WWC2: variants seen among roughly 807,000 people sequenced by gnomAD.
WWC2 encodes the protein protein WWC2.
Under a neutral mutation model 138.5 loss-of-function variants are expected in WWC2, and 101 were observed. That is an observed-to-expected ratio of 0.73 (90% CI 0.62 to 0.86). The LOEUF is 0.86. WWC2 is among the 40% of genes least tolerant of loss of function. The pLI is 0.00. For missense variants in WWC2, 1,420 were observed against 1,419.4 expected (o/e 1.00, Z -0.01); for synonymous variants, 558 against 538.4 (o/e 1.04, Z -0.50).
intron 1 of WWC2, among the ~76,000 whole-genome samples, chr4:183,193,132 A>AT (rs1735037859): frequency 6.6e-6 from 1 of 152,240 alleles, no homozygotes; most frequent in Non-Finnish European, 1.5e-5. Context: ...AGGAGAACTT[A>AT]TAGTAGCCTT....
intron 1 of WWC2, among the ~76,000 whole-genome samples, chr4:183,113,304 G>A (rs150784406): frequency 6.6e-6 from 1 of 151,852 alleles, no homozygotes; most frequent in East Asian, 2.0e-4. Context: ...TATGAAATGA[G>A]GCAGAGAAGT....
At chr4:183,113,480 CTGTGTGTGTGTGTGTGTG>C (rs113602820) in intron 1 of WWC2, among the ~76,000 whole-genome samples, 25 of 143,708 alleles carry the variant, frequency 1.7e-4, no homozygotes, top group Admixed American at 2.8e-4. Context: ...AAGGTGGGGC[CTGTGTGTGTGTGTGTGTG>C]TGTGTGTGTG....
chr4:183,208,303 C>A (rs2111240163), intron 3 of WWC2, 147 bp downstream of exon 3: 3 of 851,560 alleles, frequency 3.5e-6, no homozygotes, highest in Non-Finnish European at 5.3e-6. Context: ...GAGGTGAGGG[C>A]ACACCCCAGA....
intron 14 of WWC2, among the ~76,000 whole-genome samples, chr4:183,268,251 T>C (rs1737571490): frequency 6.6e-6 from 1 of 152,210 alleles, no homozygotes; most frequent in African/African-American, 2.4e-5. Flanking sequence ...TAAAGGAAGT[T>C]ACCTCACGCT....
intron 1 of WWC2, among the ~76,000 whole-genome samples, chr4:183,111,216 G>A (rs1732221184): frequency 6.6e-6 from 1 of 152,122 alleles, no homozygotes; most frequent in Admixed American, 6.5e-5. Context: ...CTCCAGCCTG[G>A]GCGACAGAGC....
At chr4:183,176,115 T>C (rs1560826714) in intron 1 of WWC2, among the ~76,000 whole-genome samples, 1 of 152,234 alleles carries the variant, frequency 6.6e-6, no homozygotes, top group Non-Finnish European at 1.5e-5. Context: ...ATATGTCTAA[T>C]TTTTAGTGCT....
At chr4:183,185,808 A>G (rs912178298) in intron 1 of WWC2, among the ~76,000 whole-genome samples, 1 of 152,136 alleles carries the variant, frequency 6.6e-6, no homozygotes, top group Non-Finnish European at 1.5e-5. Flanking sequence ...TCAAATGGAA[A>G]AAGTATACCT....
intron 1 of WWC2, among the ~76,000 whole-genome samples, chr4:183,148,113 G>A (rs1315578426): frequency 1.3e-5 from 2 of 152,298 alleles, no homozygotes; most frequent in African/African-American, 4.8e-5. Context: ...CATGTAGCGT[G>A]TGAGGTTGTG....
chr4:183,308,702 A>T (rs1739103791), intron 21 of WWC2, among the ~76,000 whole-genome samples: 1 of 152,216 alleles, frequency 6.6e-6, no homozygotes, highest in African/African-American at 2.4e-5. Flanking sequence ...TCATTTCCAG[A>T]TAACTTATAA....
chr4:183,174,266 C>T (rs1173420587), intron 1 of WWC2, among the ~76,000 whole-genome samples: 1 of 152,218 alleles, frequency 6.6e-6, no homozygotes, highest in Non-Finnish European at 1.5e-5. Context: ...TGGGCAAAGG[C>T]AGGCAGGGGG....
chr4:183,113,986 G>C (rs1044171071), intron 1 of WWC2, among the ~76,000 whole-genome samples: 4 of 152,138 alleles, frequency 2.6e-5, no homozygotes, highest in Non-Finnish European at 5.9e-5. Flanking sequence ...GACCGAGGGA[G>C]AATGTGGTTG....
At position 183,261,162 on chromosome 4, in the gene WWC2, C is replaced by T; in HGVS notation, c.1539C>T (p.Ser513=). ...TTIHENEVVK[S]PSQPGQSGLC... ...TCCATGAAAACGAGGTGGTCAAGTCCCCTAGCCAGCCTGGCCAGAGTGGAC... is the reference window on the plus strand; with the variant it reads ...TCCATGAAAACGAGGTGGTCAAGTCTCCTAGCCAGCCTGGCCAGAGTGGAC... Residue 513 remains serine, a synonymous_variant, in exon 11 of 23, where the codon TCC becomes TCT. Transcript: ENST00000403733. The T allele has an allele frequency of 6.2e-7, 1 of 1,613,820 alleles. No homozygotes were observed. Among genetic ancestry groups the T allele is most frequent in the Non-Finnish European group, 8.5e-7 (1 of 1,179,828 alleles).
intron 21 of WWC2, among the ~76,000 whole-genome samples, chr4:183,310,197 G>C (rs1255270520): frequency 6.6e-6 from 1 of 152,202 alleles, no homozygotes; most frequent in Non-Finnish European, 1.5e-5. Context: ...GATATAAACT[G>C]TGGATTTGGG....
At chr4:183,120,886 T>C (rs1732578266) in intron 1 of WWC2, among the ~76,000 whole-genome samples, 1 of 152,136 alleles carries the variant, frequency 6.6e-6, no homozygotes, top group Non-Finnish European at 1.5e-5. Context: ...AGTGCTGGGC[T>C]CACAGGCATG....
chr4:183,269,303 C>A, intron 15 of WWC2, 140 bp downstream of exon 15: 4 of 845,032 alleles, frequency 4.7e-6, no homozygotes, highest in Non-Finnish European at 5.7e-6. Flanking sequence ...AGTGTTTGTT[C>A]ATTTTTTTCT....
intron 4 of WWC2, among the ~76,000 whole-genome samples, chr4:183,227,326 T>A (rs1336650587): frequency 6.6e-6 from 1 of 152,070 alleles, no homozygotes. Context: ...TGGTTGTGCC[T>A]CCAGTCACTT....
intron 5 of WWC2, 117 bp downstream of exon 5, chr4:183,240,379 G>A (rs1177067932): frequency 1.5e-6 from 1 of 654,436 alleles, no homozygotes; most frequent in Non-Finnish European, 2.2e-6. Flanking sequence ...AAGTAAAAAA[G>A]TTCAGAGCTC....
chr4:183,219,776 G>C (rs1735870539), intron 4 of WWC2, among the ~76,000 whole-genome samples: 1 of 152,158 alleles, frequency 6.6e-6, no homozygotes, highest in African/African-American at 2.4e-5. Context: ...TGCAGGTATA[G>C]TAAGCAGAAT....
intron 21 of WWC2, among the ~76,000 whole-genome samples, chr4:183,292,574 A>G (rs1265662893): frequency 6.6e-6 from 1 of 152,086 alleles, no homozygotes; most frequent in Non-Finnish European, 1.5e-5. Context: ...ATGTTTGGAA[A>G]GAATAAAAAG....
Sources: gnomAD v4.1 joint callset for allele counts (sites outside exome capture counted in the v4.1 genomes callset) on GRCh38, gnomAD v4.1.1 for gene constraint, MANE v1.5 for transcripts, NCBI Gene and HGNC (gene_info 2026-07-23, HGNC 2026-07-21) for gene names.